The following RNASEH2C variants were observed in gnomAD, a reference collection of about 807,000 sequenced individuals.
RNASEH2C encodes the protein ribonuclease H2 subunit C, also known as RNase H1 small subunit.
RNASEH2C carries 20 observed loss-of-function variants against 16.3 expected under a neutral mutation model. The ratio of observed to expected loss-of-function variants is 1.23; its 90% CI spans 0.86 to 1.79. The LOEUF (loss-of-function observed/expected upper bound fraction) is 1.79, where lower values mean the gene tolerates loss of function less well. Among genes scored for constraint, RNASEH2C ranks in the 40% most tolerant of loss-of-function variants. The probability of loss-of-function intolerance (pLI) is 0.00; values close to 1 mark genes in which losing one functional copy is unlikely to be tolerated. For synonymous variants in RNASEH2C, 106 were observed against 98.9 expected, an observed-to-expected ratio of 1.07 and a Z score of -0.43; for missense variants, 296 against 235.9, an observed-to-expected ratio of 1.25 and a Z score of -1.67.
At position 65,720,360 on chromosome 11, in the gene RNASEH2C, G is replaced by A; in HGVS notation, c.230C>T (p.Pro77Leu). 6.2e-7 allele frequency: 1 copy of A among 1,614,238 alleles called. No homozygotes were observed. The highest frequency in any genetic ancestry group is 8.5e-7 in the Non-Finnish European group (1 of 1,180,036). The change falls in exon 2 of 4, where the codon CCT becomes CTT. Residue 77 changes from proline (P) to leucine (L), a missense_variant. Pro to Leu is a moderately conservative substitution (Grantham distance 98). Coordinates refer to ENST00000308418, the MANE Select transcript of RNASEH2C (RefSeq NM_032193.4). ...CACCATCACGTATCCCACGAGGCCA[G>A]GCGGCACCGCCACCTCCTCTCCCCG... ...CLRGEEVAVP[P>L]GLVGYVMVTE...
In RNASEH2C at chr11:65,719,498, A is replaced by C. The variant is rs1239200691; in HGVS notation, c.*285T>G. On this transcript the variant is annotated 3_prime_UTR_variant, in exon 4 of 4. Transcript: ENST00000308418. ...GTACAGAGGGCTGGTGATTGTAAAA[A>C]TTTCTTTTGTAAAGTAGAAGTTGGG... The C allele has an allele frequency of 1.6e-5, 10 of 610,084 alleles. 1 individual carries two copies. In the Admixed American group the frequency reaches 2.3e-4, roughly 14 times the overall value. The allele number at this position is 610,084 out of a possible 1,614,324, so 37.8% of individuals were successfully genotyped here. A position where few individuals can be genotyped will look rare whatever the true frequency, so the allele number is the denominator to read the frequency against.
In RNASEH2C at chr11:65,720,306, T is replaced by C; in HGVS notation, c.284A>G (p.Lys95Arg). ...VTEEKKVSMG[K>R]PDPLRDSGTD... Reference sequence around the variant, plus strand: ...CCCGGAATCCCGCAAGGGGTCTGGCTTCCCCATCGACACCTTCTTCTCTTC... The same window carrying C: ...CCCGGAATCCCGCAAGGGGTCTGGCCTCCCCATCGACACCTTCTTCTCTTC... The change falls in exon 2 of 4, where the codon AAG becomes AGG. Residue 95 changes from lysine to arginine, a missense_variant. By Grantham distance (26) the Lys-to-Arg change is conservative (BLOSUM62 2). Transcript: ENST00000308418. 6.2e-7 allele frequency: 1 copy of C among 1,614,182 alleles called. No individual in the cohort carries two copies. The highest frequency in any genetic ancestry group is 8.5e-7 in the Non-Finnish European group (1 of 1,180,034).
At position 65,719,715 on chromosome 11, in the gene RNASEH2C, G is replaced by A; in HGVS notation, c.*68C>T. On this transcript the variant is annotated 3_prime_UTR_variant, in exon 4 of 4. Coordinates refer to ENST00000308418, the MANE Select transcript of RNASEH2C (RefSeq NM_032193.4). ...GAAGAGCTCCTTTATTGGGGTGATG[G>A]AATCGGTTCCAAAGAGCTGGTTTAC... The A allele has an allele frequency of 2.6e-6, 4 of 1,543,374 alleles. No individual in the cohort carries two copies. Among genetic ancestry groups the A allele is most frequent in the African/African-American group, 2.7e-5 (2 of 73,548 alleles).
rs774405578 is a variant in RNASEH2C, at chr11:65,719,181, A to ACC, written c.*600_*601dup. 1 of 1,613,460 alleles carries ACC rather than the reference A, an allele frequency of 6.2e-7. No individual in the cohort carries two copies. Among genetic ancestry groups the ACC allele is most frequent in the African/African-American group, 1.3e-5 (1 of 74,940 alleles). On this transcript the variant is annotated 3_prime_UTR_variant, in exon 4 of 4. Transcript: ENST00000308418. The stretch of plus-strand genomic sequence containing the variant: ...ACTGGAGCAAGAGGGGGAAGTGGTG[A>ACC]CCAGACACTGCCCACTGCAGTGCCA...
rs1176427640 is a variant in RNASEH2C, at chr11:65,718,654, C to T, written c.*1129G>A. On this transcript the variant is annotated 3_prime_UTR_variant, in exon 4 of 4. Transcript: ENST00000308418. ...CTGAGAAGCCCCTCTCAGACCTTGG[C>T]CTCCTATCCTATCGAAGCTACTGGT... is the stretch of plus-strand genomic sequence containing the variant. The T allele has an allele frequency of 1.2e-6, 2 of 1,614,078 alleles. No individual in the cohort carries two copies. Among genetic ancestry groups the T allele is most frequent in the Non-Finnish European group, 1.7e-6 (2 of 1,180,030 alleles).
Position 65,719,398 on chromosome 11 carries a change from G to T in RNASEH2C, c.*385C>A, listed in dbSNP as rs757672652. The T allele has an allele frequency of 2.5e-4, 158 of 628,990 alleles. No individual in the cohort carries two copies. Among genetic ancestry groups the T allele is most frequent in the Non-Finnish European group, 4.0e-4 (145 of 363,588 alleles). The allele number at this position is 628,990 out of a possible 1,614,324, so 39.0% of individuals were successfully genotyped here. ...CAAGGTCAGCTGGCCACAGGCCCAG[G>T]CCTCCTCTGAAGCAGGGACCAGAGG... On this transcript the variant is annotated 3_prime_UTR_variant, in exon 4 of 4. Coordinates refer to ENST00000308418, the MANE Select transcript of RNASEH2C (RefSeq NM_032193.4).
Position 65,720,731 on chromosome 11 carries a change from C to G in RNASEH2C, c.28G>C (p.Glu10Gln), listed in dbSNP as rs1055574326. ...GAGCGCAAGTGGACGCGGTGCCTCT[C>G]GATGGCCGCTTCGTCGCCGCTCTCC... is the stretch of plus-strand genomic sequence containing the variant. MESGDEAAI[E>Q]RHRVHLRSAT... The change falls in exon 1 of 4, where the codon GAG becomes CAG. Residue 10 changes from glutamate (E) to glutamine (Q), a missense_variant. Glu to Gln is a conservative substitution (Grantham distance 29, BLOSUM62 2). Coordinates refer to ENST00000308418, the MANE Select transcript of RNASEH2C (RefSeq NM_032193.4). 1 of 1,597,172 alleles carries G rather than the reference C, an allele frequency of 6.3e-7. No individual in the cohort carries two copies. The highest frequency in any genetic ancestry group is 1.1e-5 in the South Asian group (1 of 89,260).
At position 65,719,442 on chromosome 11, in the gene RNASEH2C, C is replaced by G; in HGVS notation, c.*341G>C. On this transcript the variant is annotated 3_prime_UTR_variant, in exon 4 of 4. Transcript: ENST00000308418. ...CCAGAGGGAGCCAGGCAGCTGTGTA[C>G]AGTGAGAAGGGATCCGGATGGGGGA... 1 of 605,318 alleles carries G rather than the reference C, an allele frequency of 1.7e-6. No individual in the cohort carries two copies. Among genetic ancestry groups the G allele is most frequent in the Non-Finnish European group, 2.9e-6 (1 of 342,602 alleles). The allele number at this position is 605,318 out of a possible 1,614,324, so 37.5% of individuals were successfully genotyped here. A position where few individuals can be genotyped will look rare whatever the true frequency, so the allele number is the denominator to read the frequency against.
Position 65,718,398 on chromosome 11 carries a change from C to G in RNASEH2C, c.*1385G>C. 2 of 620,416 alleles carry G rather than the reference C, an allele frequency of 3.2e-6. No homozygotes were observed. The highest frequency in any genetic ancestry group is 5.7e-6 in the Non-Finnish European group (2 of 350,248). 38.4% of individuals were successfully genotyped at this position (620,416 alleles called of 1,614,324 possible). A position where few individuals can be genotyped will look rare whatever the true frequency, so the allele number is the denominator to read the frequency against. ...GTGCCCTCATGCCCTCCACTGTGCT[C>G]AGCGCACGGAAAGAGTGAATACTCA... On this transcript the variant is annotated 3_prime_UTR_variant, in exon 4 of 4. Coordinates refer to ENST00000308418, the MANE Select transcript of RNASEH2C (RefSeq NM_032193.4).
At position 65,718,424 on chromosome 11, in the gene RNASEH2C, G is replaced by A; in HGVS notation, c.*1359C>T. ...AGCGCACGGAAAGAGTGAATACTCAGTTCTTCCTGAGGGAACTGAGGCACA... is the reference window on the plus strand; with the variant it reads ...AGCGCACGGAAAGAGTGAATACTCAATTCTTCCTGAGGGAACTGAGGCACA... On this transcript the variant is annotated 3_prime_UTR_variant, in exon 4 of 4. Transcript: ENST00000308418. 1.4e-6 allele frequency: 1 copy of A among 705,506 alleles called. No individual in the cohort carries two copies. Among genetic ancestry groups the A allele is most frequent in the Non-Finnish European group, 2.4e-6 (1 of 410,794 alleles). The allele number at this position is 705,506 out of a possible 1,614,324, so 43.7% of individuals were successfully genotyped here.
In RNASEH2C at chr11:65,718,510, C is replaced by T; in HGVS notation, c.*1273G>A. On this transcript the variant is annotated 3_prime_UTR_variant, in exon 4 of 4. Transcript: ENST00000308418. ...GCCATGATAGGAACTAGGCAGCCTGCCTTGGCAACCTGTGTTTTTAAATGT... is the reference window on the plus strand; with the variant it reads ...GCCATGATAGGAACTAGGCAGCCTGTCTTGGCAACCTGTGTTTTTAAATGT... 9.4e-6 allele frequency: 14 copies of T among 1,485,344 alleles called. No individual in the cohort carries two copies. Among genetic ancestry groups the T allele is most frequent in the Non-Finnish European group, 1.3e-5 (14 of 1,087,034 alleles). 92.0% of individuals were successfully genotyped at this position (1,485,344 alleles called of 1,614,324 possible). A position where few individuals can be genotyped will look rare whatever the true frequency, so the allele number is the denominator to read the frequency against.
intron 3 of RNASEH2C, 108 bp downstream of exon 3, chr11:65,719,937 G>A (rs781129649): frequency 1.3e-6 from 2 of 1,598,600 alleles, no homozygotes; most frequent in Non-Finnish European, 1.7e-6. Flanking sequence ...TGGTCAGGGA[G>A]CTACGCTTCC....
Position 65,719,433 on chromosome 11 carries a change from A to G in RNASEH2C, c.*350T>C, listed in dbSNP as rs1401505399. On this transcript the variant is annotated 3_prime_UTR_variant, in exon 4 of 4. Transcript: ENST00000308418. ...AAGCAGGGACCAGAGGGAGCCAGGC[A>G]GCTGTGTACAGTGAGAAGGGATCCG... The G allele has an allele frequency of 1.7e-6, 1 of 603,788 alleles. No homozygotes were observed. 37.4% of individuals were successfully genotyped at this position (603,788 alleles called of 1,614,324 possible).
rs375524599 is a variant in RNASEH2C, at chr11:65,718,722, G to A, written c.*1061C>T. ...ATCCTGATGGGGCTGAAGTCGGAGA[G>A]CGGGGAGAGGCCACAGATCACCATC... On this transcript the variant is annotated 3_prime_UTR_variant, in exon 4 of 4. Coordinates refer to ENST00000308418, the MANE Select transcript of RNASEH2C (RefSeq NM_032193.4). The A allele has an allele frequency of 6.2e-7, 1 of 1,614,196 alleles. No individual in the cohort carries two copies. Among genetic ancestry groups the A allele is most frequent in the Non-Finnish European group, 8.5e-7 (1 of 1,180,032 alleles).
chr11:65,720,493 C>T, intron 1 of RNASEH2C, 76 bp from the exon 2 acceptor site: 1 of 1,587,456 alleles, frequency 6.3e-7, no homozygotes, highest in South Asian at 1.1e-5. Flanking sequence ...CCGCCACCTC[C>T]GGACGGACCA....
chr11:65,718,462 GCA>G lies in RNASEH2C; in HGVS notation c.*1319_*1320del. The stretch of plus-strand genomic sequence containing the variant: ...GAACTGAGGCACAGAGAAGTGGAGG[GCA>G]TAGAACTGCCAAGTGGCAGGGCCAT... On this transcript the variant is annotated 3_prime_UTR_variant, in exon 4 of 4. Transcript: ENST00000308418. 8.1e-6 allele frequency: 7 copies of G among 867,454 alleles called. No individual in the cohort carries two copies. The highest frequency in any genetic ancestry group is 1.6e-5 in the South Asian group (1 of 62,576). The allele number at this position is 867,454 out of a possible 1,614,324, so 53.7% of individuals were successfully genotyped here. A position where few individuals can be genotyped will look rare whatever the true frequency, so the allele number is the denominator to read the frequency against.
intron 3 of RNASEH2C, 54 bp downstream of exon 3, chr11:65,719,991 T>C: frequency 6.2e-7 from 1 of 1,610,224 alleles, no homozygotes; most frequent in Middle Eastern, 1.6e-4. Context: ...TCTGCGCAAT[T>C]GTGCTCCCCA....
At position 65,718,007 on chromosome 11, in the gene RNASEH2C, G is replaced by A. The variant is rs4645936; in HGVS notation, c.*1776C>T. ...CGGCCAGCTATCAGCACGAGTTGGA[G>A]GGAAAGAGCCATGGTGGGGGTCAGT... On this transcript the variant is annotated 3_prime_UTR_variant, in exon 4 of 4. Transcript: ENST00000308418. The A allele has an allele frequency of 0.038, 5,920 of 153,796 alleles. 200 individuals carry two copies. The highest frequency in any genetic ancestry group is 0.051 in the Non-Finnish European group (3,499 of 69,220). 9.5% of individuals were successfully genotyped at this position (153,796 alleles called of 1,614,324 possible). A position where few individuals can be genotyped will look rare whatever the true frequency, so the allele number is the denominator to read the frequency against.
chr11:65,718,963 G>A lies in RNASEH2C; in HGVS notation c.*820C>T, dbSNP rs1857301330. The A allele has an allele frequency of 6.2e-7, 1 of 1,614,102 alleles. No homozygotes were observed. Among genetic ancestry groups the A allele is most frequent in the East Asian group, 2.2e-5 (1 of 44,886 alleles). On this transcript the variant is annotated 3_prime_UTR_variant, in exon 4 of 4. Transcript: ENST00000308418. The stretch of plus-strand genomic sequence containing the variant: ...TCATCAACTACTACAAGGTAGGGAG[G>A]CAGGCAGGGGAGACAGGTGTGTGGG...
Sources: allele counts gnomAD v4.1 joint callset, GRCh38; gene constraint gnomAD v4.1.1; transcripts MANE v1.5; gene names NCBI Gene and HGNC (gene_info 2026-07-23, HGNC 2026-07-21).